Variants in MEIOB observed in about 807,000 individuals in gnomAD.
MEIOB encodes the protein meiosis-specific with OB domain-containing protein.
A neutral mutation model predicts 53.1 loss-of-function variants in MEIOB; 50 were observed. The observed-to-expected ratio is 0.94, with a 90% CI of 0.75 to 1.19. The LOEUF is 1.19. Ranked by LOEUF, MEIOB falls within the 50% of genes most tolerant of loss-of-function variation. The probability of loss-of-function intolerance (pLI) is 0.00; values close to 1 mark genes in which losing one functional copy is unlikely to be tolerated. For missense variants in MEIOB, 551 were observed against 550.8 expected (o/e 1.00, Z 0.00); for synonymous variants, 192 against 182.5 (o/e 1.05, Z -0.42).
chr16:1,858,141 G>A (rs977498908), intron 5 of MEIOB, among the ~76,000 whole-genome samples: 24 of 152,074 alleles, frequency 1.6e-4, no homozygotes, highest in African/African-American at 4.8e-4. Context: ...GATTCGTGTC[G>A]GGGTTCTAAA....
intron 6 of MEIOB, among the ~76,000 whole-genome samples, chr16:1,855,552 A>G (rs887700911): frequency 1.3e-5 from 2 of 152,194 alleles, no homozygotes; most frequent in African/African-American, 4.8e-5. Context: ...AGACTCACTG[A>G]GGGGGTGGGA....
At chr16:1,848,752 C>T (rs755095864) in intron 9 of MEIOB, among the ~76,000 whole-genome samples, 7 of 151,928 alleles carry the variant, frequency 4.6e-5, no homozygotes, top group Non-Finnish European at 8.8e-5. Flanking sequence ...CCATGTTGAC[C>T]GGGCTGGTCT....
Position 1,839,351 on chromosome 16 carries a change from G to A in MEIOB, c.1122C>T (p.Leu374=), listed in dbSNP as rs770995208. The change falls in exon 12 of 14, where the codon CTC becomes CTT. Residue 374 remains leucine (L), a synonymous_variant. Coordinates refer to ENST00000325962, the MANE Select transcript of MEIOB (RefSeq NM_001163560.3). The part of the protein sequence containing the change: ...KNSLDFKSVF[L]SFHVLIDLTD... The stretch of plus-strand genomic sequence containing the variant: ...TCAGATCAATCAGCACATGGAAACT[G>A]AGAAAGACAGATTTAAAGTCCAAGG... 3.7e-6 allele frequency: 6 copies of A among 1,614,044 alleles called. No individual in the cohort carries two copies. In the African/African-American group the frequency reaches 5.3e-5, roughly 14 times the overall value.
intron 1 of MEIOB, among the ~76,000 whole-genome samples, chr16:1,869,749 C>A (rs932582624): frequency 1.4e-4 from 21 of 152,126 alleles, no homozygotes; most frequent in African/African-American, 5.1e-4. Context: ...CCACGCCCGG[C>A]CTCAGTGGGA....
In MEIOB at chr16:1,841,860, T is replaced by C; in HGVS notation, c.994A>G (p.Asn332Asp). Residue 332 changes from asparagine (N) to aspartate (D), a missense_variant, in exon 11 of 14, where the codon AAC becomes GAC. By Grantham distance (23) the Asn-to-Asp change is conservative (BLOSUM62 1). Transcript: ENST00000325962. ...ACTTTTGTAGTTTCATCATCAATGT[T>C]GAGTGTGGAAATGTAGGCATAAAGG... ...GILYAYISTL[N>D]IDDETTKVVR... 6.2e-7 allele frequency: 1 copy of C among 1,602,796 alleles called. No individual in the cohort carries two copies. The highest frequency in any genetic ancestry group is 8.5e-7 in the Non-Finnish European group (1 of 1,175,456).
intron 9 of MEIOB, among the ~76,000 whole-genome samples, chr16:1,850,133 CTG>C (rs1899128421): frequency 2.0e-5 from 3 of 152,252 alleles, no homozygotes; most frequent in South Asian, 2.1e-4. Flanking sequence ...CCTATAATAT[CTG>C]TCTCATTAAT....
At chr16:1,867,544 C>T (rs1461103003) in intron 2 of MEIOB, among the ~76,000 whole-genome samples, 3 of 145,032 alleles carry the variant, frequency 2.1e-5, no homozygotes, top group Admixed American at 1.4e-4. Flanking sequence ...GGTGCGATCT[C>T]GGCTCACTGA....
At chr16:1,863,616 C>T (rs1407686525) in intron 3 of MEIOB, among the ~76,000 whole-genome samples, 1 of 151,880 alleles carries the variant, frequency 6.6e-6, no homozygotes, top group Middle Eastern at 3.2e-3. Context: ...GAACTCCTGA[C>T]CTCGTGATCT....
chr16:1,864,550 G>A (rs1043088720), intron 3 of MEIOB, among the ~76,000 whole-genome samples: 8 of 147,584 alleles, frequency 5.4e-5, no homozygotes, highest in Admixed American at 2.8e-4. Flanking sequence ...GTGCAATGGC[G>A]TGATCTTGGC....
chr16:1,834,242 A>C lies in MEIOB; in HGVS notation c.*14T>G. The C allele has an allele frequency of 2.7e-6, 4 of 1,458,326 alleles. No homozygotes were observed. The highest frequency in any genetic ancestry group is 3.8e-6 in the Non-Finnish European group (4 of 1,046,386). 90.3% of individuals were successfully genotyped at this position (1,458,326 alleles called of 1,614,324 possible). A position where few individuals can be genotyped will look rare whatever the true frequency, so the allele number is the denominator to read the frequency against. ...ACTCTTATACTTTTCCAGAGTTCAA[A>C]ATGATAGACCGTTTTAAACATGTTT... On this transcript the variant is annotated 3_prime_UTR_variant, in exon 14 of 14. Transcript: ENST00000325962.
chr16:1,857,290 C>A (rs2150819530), intron 6 of MEIOB, among the ~76,000 whole-genome samples: 1 of 152,290 alleles, frequency 6.6e-6, no homozygotes, highest in South Asian at 2.1e-4. Flanking sequence ...TGGAGCCCTA[C>A]AGCAGGGCAG....
At chr16:1,836,757 CATA>C (rs2142073205) in intron 13 of MEIOB, among the ~76,000 whole-genome samples, 1 of 147,362 alleles carries the variant, frequency 6.8e-6, no homozygotes, top group South Asian at 2.1e-4. Context: ...AAACTAATTT[CATA>C]ATAACACTAA....
intron 13 of MEIOB, among the ~76,000 whole-genome samples, chr16:1,835,866 T>C (rs1387419512): frequency 9.7e-6 from 1 of 102,588 alleles, no homozygotes; most frequent in African/African-American, 3.5e-5. Flanking sequence ...CTTTTTCTTT[T>C]TTTTTTTTTT....
chr16:1,848,205 C>A (rs1311934684), intron 9 of MEIOB, among the ~76,000 whole-genome samples: 4 of 152,064 alleles, frequency 2.6e-5, no homozygotes, highest in Non-Finnish European at 1.5e-5. Flanking sequence ...CCAGTAGTAT[C>A]TTTTTCTATC....
At chr16:1,858,394 A>C (rs977948104) in intron 5 of MEIOB, among the ~76,000 whole-genome samples, 1 of 151,974 alleles carries the variant, frequency 6.6e-6, no homozygotes, top group Non-Finnish European at 1.5e-5. Flanking sequence ...CGAACTGAGG[A>C]GCTCTCCCTC....
Position 1,837,792 on chromosome 16 carries a change from A to G in MEIOB, c.1297T>C (p.Tyr433His). Residue 433 changes from tyrosine (Y) to histidine (H), a missense_variant, in exon 13 of 14, where the codon TAT becomes CAT. Tyr to His is a moderately conservative substitution (Grantham distance 83). Coordinates refer to ENST00000325962, the MANE Select transcript of MEIOB (RefSeq NM_001163560.3). ...WQFLLERSKI[Y>H]LKFVLSHRAR... ...CTATAAAATGCACTAACTTTTAAAT[A>G]AATTTTGCTTCTTTCCAAGAGAAAT... is the stretch of plus-strand genomic sequence containing the variant. 1 of 1,507,508 alleles carries G rather than the reference A, an allele frequency of 6.6e-7. No individual in the cohort carries two copies. Among genetic ancestry groups the G allele is most frequent in the Non-Finnish European group, 9.0e-7 (1 of 1,115,534 alleles). The allele number at this position is 1,507,508 out of a possible 1,614,324, so 93.4% of individuals were successfully genotyped here.
intron 5 of MEIOB, among the ~76,000 whole-genome samples, 159 bp downstream of exon 5, chr16:1,860,244 T>C (rs1481381893): frequency 6.6e-6 from 1 of 152,218 alleles, no homozygotes; most frequent in Non-Finnish European, 1.5e-5. Flanking sequence ...TCAAAGTAAA[T>C]TATGTCATAA....
In MEIOB at chr16:1,854,102, T is replaced by C; in HGVS notation, c.627A>G (p.Thr209=). The C allele has an allele frequency of 3.2e-6, 5 of 1,539,208 alleles. No homozygotes were observed. The highest frequency in any genetic ancestry group is 4.4e-6 in the Non-Finnish European group (5 of 1,135,922). The change falls in exon 7 of 14, where the codon ACA becomes ACG. Residue 209 remains threonine, a splice_region_variant and synonymous_variant. Transcript: ENST00000325962. The part of the protein sequence containing the change: ...YDETESSFAM[T]CWDNESILLA... The stretch of plus-strand genomic sequence containing the variant: ...TTGGAACAGACATCGGTGTTTACCA[T>C]GTCATCGCAAAAGACGACTCTGTTT...
intron 10 of MEIOB, among the ~76,000 whole-genome samples, chr16:1,843,888 CTT>C (rs1898970703): frequency 6.6e-6 from 1 of 152,008 alleles, no homozygotes; most frequent in South Asian, 2.1e-4. Context: ...GGTTAGAAAA[CTT>C]TTATGAGAAC....
Sources: gnomAD v4.1 joint callset for allele counts (sites outside exome capture counted in the v4.1 genomes callset) on GRCh38, gnomAD v4.1.1 for gene constraint, MANE v1.5 for transcripts, NCBI Gene and HGNC (gene_info 2026-07-23, HGNC 2026-07-21) for gene names.